The following PRPF4 variants were observed in gnomAD, a reference collection of about 807,000 sequenced individuals.
PRPF4 encodes pre-mRNA splicing tri-snRNP complex factor PRPF4.
In PRPF4, 14 loss-of-function variants were observed where a neutral mutation model predicts 72.2. The ratio of observed to expected loss-of-function variants is 0.19; its 90% CI spans 0.13 to 0.30. The LOEUF (loss-of-function observed/expected upper bound fraction) is 0.30, where lower values mean the gene tolerates loss of function less well. PRPF4 is among the 10% of genes least tolerant of loss of function. PRPF4 has a pLI of 1.00. For missense variants in PRPF4, 478 were observed against 653.9 expected (o/e 0.73, Z 2.93); for synonymous variants, 225 against 232.2 (o/e 0.97, Z 0.28).
At chr9:113,289,285 G>C (rs2118642230) in intron 10 of PRPF4, among the ~76,000 whole-genome samples, 1 of 152,248 alleles carries the variant, frequency 6.6e-6, no homozygotes, top group South Asian at 2.1e-4. Context: ...TCCAGGTCTG[G>C]GCCAGTCAGA....
intron 9 of PRPF4, among the ~76,000 whole-genome samples, chr9:113,287,774 T>G (rs1447202552): frequency 6.6e-6 from 1 of 152,234 alleles, no homozygotes; most frequent in Non-Finnish European, 1.5e-5. Context: ...TTCATGTTTA[T>G]TTCCTTTTGC....
chr9:113,290,406 A>T, intron 10 of PRPF4, 60 bp from the exon 11 acceptor site: 1 of 1,608,722 alleles, frequency 6.2e-7, no homozygotes, highest in Non-Finnish European at 8.5e-7. Context: ...AGAATACTTT[A>T]TGTGTTGTAG....
chr9:113,286,570 T>G (rs1467931866), intron 8 of PRPF4, 135 bp from the exon 9 acceptor site: 1 of 1,272,392 alleles, frequency 7.9e-7, no homozygotes, highest in African/African-American at 1.5e-5. Context: ...AAATATTAGC[T>G]TAAATTAAAA....
Position 113,292,669 on chromosome 9 carries a change from A to G in PRPF4, c.*1009A>G, listed in dbSNP as rs76280577. 1.3e-5 allele frequency: 2 copies of G among 152,210 alleles called. No individual in the cohort carries two copies. The highest frequency in any genetic ancestry group is 2.9e-5 in the Non-Finnish European group (2 of 68,030). The allele number at this position is 152,210 out of a possible 1,614,324, so 9.4% of individuals were successfully genotyped here. A position where few individuals can be genotyped will look rare whatever the true frequency, so the allele number is the denominator to read the frequency against. On this transcript the variant is annotated 3_prime_UTR_variant, in exon 14 of 14. Coordinates refer to ENST00000374198, the MANE Select transcript of PRPF4 (RefSeq NM_001244926.2). ...AGCAAAACCATTGTGTCAGGAGTCA[A>G]ACAAATGTTTAGAAAGCAAACATGA... is the stretch of plus-strand genomic sequence containing the variant.
chr9:113,280,670 T>G (rs1171485098), intron 3 of PRPF4, among the ~76,000 whole-genome samples: 3 of 152,154 alleles, frequency 2.0e-5, no homozygotes, highest in Non-Finnish European at 2.9e-5. Flanking sequence ...ATACTTGGAG[T>G]AAAAAACTCT....
chr9:113,275,727 C>T lies in PRPF4; in HGVS notation c.-17C>T, dbSNP rs754855066. 1 of 1,608,786 alleles carries T rather than the reference C, an allele frequency of 6.2e-7. No individual in the cohort carries two copies. Among genetic ancestry groups the T allele is most frequent in the Admixed American group, 1.7e-5 (1 of 59,592 alleles). ...GTGTTCGGGTTTCGCTGGGGCCTCG[C>T]GGCTCCAGAGCCCAGCATGGCTTCC... is the stretch of plus-strand genomic sequence containing the variant. On this transcript the variant is annotated 5_prime_UTR_variant, in exon 1 of 14. Transcript: ENST00000374198.
chr9:113,286,368 C>T, intron 8 of PRPF4, 78 bp downstream of exon 8: 2 of 1,298,230 alleles, frequency 1.5e-6, no homozygotes, highest in Non-Finnish European at 2.2e-6. Flanking sequence ...GCTTGACACT[C>T]AGACCCCATA....
rs1227430895 is a variant in PRPF4 at position 113,276,604 on chromosome 9, C to A, written c.84C>A (p.His28Gln). Residue 28 changes from histidine to glutamine, a missense_variant, in exon 2 of 14, where the codon CAC (histidine) becomes CAA (glutamine). Transcript: ENST00000374198. ...DLVAPVVKKP[H>Q]IYYGSLEEKE... ...TTGCTCCGGTCGTGAAGAAACCACA[C>A]ATCTATTATGGAAGTTTGGAAGAGA... 6.2e-7 allele frequency: 1 copy of A among 1,614,008 alleles called. No homozygotes were observed. The highest frequency in any genetic ancestry group is 8.5e-7 in the Non-Finnish European group (1 of 1,180,046).
chr9:113,283,927 G>C (rs1218122531), intron 6 of PRPF4, among the ~76,000 whole-genome samples: 2 of 152,006 alleles, frequency 1.3e-5, no homozygotes, highest in South Asian at 2.1e-4. Flanking sequence ...AATTTGCCAG[G>C]TGTGATAGCA....
chr9:113,282,938 A>C (rs1360157143), intron 4 of PRPF4, 194 bp from the exon 5 acceptor site: 1 of 1,152,104 alleles, frequency 8.7e-7, no homozygotes, highest in African/African-American at 1.6e-5. Flanking sequence ...GTCAGGAAAG[A>C]ATCATGGCAT....
chr9:113,283,557 C>A, intron 6 of PRPF4, 75 bp downstream of exon 6: 1 of 1,510,814 alleles, frequency 6.6e-7, no homozygotes, highest in Non-Finnish European at 9.1e-7. Context: ...TTTGGCTCAC[C>A]TCTGGGAAGG....
chr9:113,279,201 T>A (rs1215581427), intron 3 of PRPF4, 70 bp downstream of exon 3: 1 of 1,367,286 alleles, frequency 7.3e-7, no homozygotes, highest in African/African-American at 1.5e-5. Context: ...TTTTGGTTGA[T>A]CATTTAGTTG....
At chr9:113,288,559 C>T (rs971018940) in intron 10 of PRPF4, among the ~76,000 whole-genome samples, 3 of 152,020 alleles carry the variant, frequency 2.0e-5, no homozygotes, top group Admixed American at 2.0e-4. Flanking sequence ...GCCTCGACCT[C>T]CCGAGTAGCT....
chr9:113,291,079 A>G, intron 13 of PRPF4, 63 bp downstream of exon 13: 1 of 1,492,412 alleles, frequency 6.7e-7, no homozygotes, highest in Non-Finnish European at 9.3e-7. Flanking sequence ...TTCCCGTGGA[A>G]TGCAGGCCAG....
intron 10 of PRPF4, among the ~76,000 whole-genome samples, chr9:113,289,404 C>T (rs940350539): frequency 6.6e-6 from 1 of 152,162 alleles, no homozygotes. Context: ...TCTAAACTCC[C>T]CACCAGTTTT....
At chr9:113,283,261 T>A (rs1335123851) in intron 5 of PRPF4, 50 bp downstream of exon 5, 2 of 1,613,980 alleles carry the variant, frequency 1.2e-6, no homozygotes, top group Middle Eastern at 1.6e-4. Context: ...TGTGTGTGTT[T>A]CCTCTCAGGA....
intron 9 of PRPF4, 75 bp downstream of exon 9, chr9:113,286,903 A>G: frequency 6.2e-7 from 1 of 1,605,562 alleles, no homozygotes; most frequent in Non-Finnish European, 8.5e-7. Context: ...CCAGGACCTC[A>G]GTAAAAATCT....
chr9:113,285,137 T>C (rs564034858), intron 7 of PRPF4, among the ~76,000 whole-genome samples: 146 of 151,728 alleles, frequency 9.6e-4, no homozygotes, highest in Middle Eastern at 3.4e-3. Context: ...ACAGGTCTGT[T>C]AGAAAGATCA....
chr9:113,277,818 T>C (rs1214639820), intron 2 of PRPF4, among the ~76,000 whole-genome samples: 1 of 152,096 alleles, frequency 6.6e-6, no homozygotes, highest in Admixed American at 6.6e-5. Flanking sequence ...CCTGGGCAAA[T>C]AGTGATACCC....
Sources: allele counts gnomAD v4.1 joint callset (sites outside exome capture counted in the v4.1 genomes callset), GRCh38; gene constraint gnomAD v4.1.1; transcripts MANE v1.5; gene names NCBI Gene and HGNC (gene_info 2026-07-23, HGNC 2026-07-21).